The following SHTN1 variants were observed in gnomAD, a reference collection of about 807,000 sequenced individuals.
SHTN1 encodes the protein shootin 1, also known as shootin-1.
A neutral mutation model predicts 83.1 loss-of-function variants in SHTN1; 42 were observed. That is an observed-to-expected ratio of 0.51 (90% confidence interval 0.39 to 0.65). The LOEUF (loss-of-function observed/expected upper bound fraction) is 0.65. Among genes scored for constraint, SHTN1 ranks in the 30% least tolerant of loss-of-function variants. SHTN1 has a pLI of 0.00. For synonymous variants in SHTN1, 224 were observed against 247.7 expected, an observed-to-expected ratio of 0.90 and a Z score of 0.90; for missense variants, 622 against 737.8, an observed-to-expected ratio of 0.84 and a Z score of 1.82.
intron 2 of SHTN1, among the ~76,000 whole-genome samples, chr10:117,045,065 G>A (rs1293602349): frequency 6.6e-6 from 1 of 152,120 alleles, no homozygotes; most frequent in African/African-American, 2.4e-5. Flanking sequence ...CATCTTTGAT[G>A]AGTATTAGTG....
intron 2 of SHTN1, among the ~76,000 whole-genome samples, chr10:117,030,745 A>T (rs1266598862): frequency 6.6e-6 from 1 of 152,042 alleles, no homozygotes; most frequent in East Asian, 1.9e-4. Context: ...TTAGTAGCAG[A>T]ATTGATCAAG....
At chr10:117,076,865 A>G (rs1414201772) in intron 1 of SHTN1, among the ~76,000 whole-genome samples, 1 of 152,230 alleles carries the variant, frequency 6.6e-6, no homozygotes, top group Non-Finnish European at 1.5e-5. Flanking sequence ...AAGTTTCTGG[A>G]GAAAAGGGTG....
chr10:116,922,707 G>C (rs1848606199), intron 11 of SHTN1, among the ~76,000 whole-genome samples: 1 of 152,188 alleles, frequency 6.6e-6, no homozygotes, highest in African/African-American at 2.4e-5. Flanking sequence ...GCTCACACGT[G>C]TAATCCCAGC....
intron 5 of SHTN1, among the ~76,000 whole-genome samples, chr10:116,952,928 A>T (rs1468393686): frequency 2.0e-5 from 3 of 152,220 alleles, no homozygotes; most frequent in Non-Finnish European, 4.4e-5. Flanking sequence ...AGAAAGAAGA[A>T]CATGAAACCA....
In SHTN1 at chr10:116,886,113, AAAC is replaced by A. The variant is rs2133293617; in HGVS notation, c.*228_*230del. On this transcript the variant is annotated 3_prime_UTR_variant, in exon 17 of 17. Coordinates refer to ENST00000355371, the MANE Select transcript of SHTN1 (RefSeq NM_001127211.3). ...ATACTTAATACAGTAACTAGGAAAAAAACCTCATCTTTATAAAGATCAAAAAAC... is the reference window on the plus strand; with the variant it reads ...ATACTTAATACAGTAACTAGGAAAAACTCATCTTTATAAAGATCAAAAAAC... 1.8e-6 allele frequency: 1 copy of A among 567,690 alleles called. No homozygotes were observed. Among genetic ancestry groups the A allele is most frequent in the Admixed American group, 3.4e-5 (1 of 29,670 alleles). The allele number at this position is 567,690 out of a possible 1,614,324, so 35.2% of individuals were successfully genotyped here.
chr10:116,970,840 A>G (rs1354201520), intron 2 of SHTN1, among the ~76,000 whole-genome samples: 1 of 152,062 alleles, frequency 6.6e-6, no homozygotes, highest in African/African-American at 2.4e-5. Flanking sequence ...CATCTAATAT[A>G]TATAAATATG....
At chr10:117,076,901 T>A (rs1018318802) in intron 1 of SHTN1, among the ~76,000 whole-genome samples, 3 of 152,212 alleles carry the variant, frequency 2.0e-5, no homozygotes, top group Non-Finnish European at 1.5e-5. Context: ...TTGCACAGTA[T>A]CCATTATTAT....
At chr10:117,069,110 C>T (rs529183549) in intron 1 of SHTN1, among the ~76,000 whole-genome samples, 1 of 152,054 alleles carries the variant, frequency 6.6e-6, no homozygotes, top group African/African-American at 2.4e-5. Context: ...AACTCTGCTG[C>T]AAAAGTAGGA....
At chr10:116,969,248 T>C (rs1445839504) in intron 2 of SHTN1, among the ~76,000 whole-genome samples, 3 of 151,898 alleles carry the variant, frequency 2.0e-5, no homozygotes, top group African/African-American at 4.8e-5. Flanking sequence ...AGAGACCAGC[T>C]TGGCCAACAT....
rs182095655 is a variant in SHTN1 at position 116,994,164 on chromosome 10, T to G, written c.58+10858A>C. On this transcript the variant is annotated intron_variant, in intron 1 of 16. Transcript: ENST00000355371. ...AGTTTACAAGTAAAATAAGATATAT[T>G]TTTGGTGAGAAAGTTATAAGCAAGA... 2.9e-3 allele frequency among the ~76,000 whole-genome samples: 439 copies of G among 152,206 alleles called. 2 individuals are homozygous for G. The highest frequency in any genetic ancestry group is 4.7e-3 in the Non-Finnish European group (317 of 67,954).
At position 116,903,350 on chromosome 10, in the gene SHTN1, T is replaced by C. The variant is rs374550340; in HGVS notation, c.1481-1393A>G. Among the ~76,000 whole-genome samples, 22 of 151,830 alleles carry C rather than the reference T, an allele frequency of 1.4e-4. No individual in the cohort carries two copies. In the East Asian group the frequency reaches 2.3e-3, roughly 16 times the overall value. On this transcript the variant is annotated intron_variant, in intron 15 of 16. Transcript: ENST00000355371. Reference sequence around the variant, plus strand: ...GAGTTAGAGACCAACCTGGCCAACATGGTGAAACCCTGTCTCTACTAGAAA... The same window carrying C: ...GAGTTAGAGACCAACCTGGCCAACACGGTGAAACCCTGTCTCTACTAGAAA...
At chr10:116,936,476 GT>G (rs1389803697) in intron 9 of SHTN1, among the ~76,000 whole-genome samples, 1 of 152,216 alleles carries the variant, frequency 6.6e-6, no homozygotes, top group Non-Finnish European at 1.5e-5. Context: ...TAGTTATGCA[GT>G]TTTGAGTGAG....
intron 12 of SHTN1, among the ~76,000 whole-genome samples, chr10:116,918,938 T>C (rs887299806): frequency 6.6e-6 from 1 of 152,216 alleles, no homozygotes; most frequent in African/African-American, 2.4e-5. Flanking sequence ...TGTAATGATC[T>C]CTTACATTCA....
chr10:117,072,214 A>T (rs956367764), intron 1 of SHTN1, among the ~76,000 whole-genome samples: 7 of 152,188 alleles, frequency 4.6e-5, no homozygotes, highest in African/African-American at 1.7e-4. Flanking sequence ...TTGGATTACA[A>T]GTTCTTCAGT....
intron 1 of SHTN1, among the ~76,000 whole-genome samples, chr10:116,982,659 C>T (rs1269318575): frequency 6.6e-6 from 1 of 152,090 alleles, no homozygotes; most frequent in Non-Finnish European, 1.5e-5. Context: ...TTTGCCAATG[C>T]TAAAGAGATT....
chr10:116,919,276 C>T lies in SHTN1; in HGVS notation c.1195+2158G>A, dbSNP rs73396196. ...ATTAACAAGACACTATAAATAACTG[C>T]CTTGCCAGATAGAAGGAGGGTAGTG... On this transcript the variant is annotated intron_variant, in intron 12 of 16. Coordinates refer to ENST00000355371, the MANE Select transcript of SHTN1 (RefSeq NM_001127211.3). Among the ~76,000 whole-genome samples, 447 of 152,236 alleles carry T rather than the reference C, an allele frequency of 2.9e-3. 4 individuals are homozygous for T. Among genetic ancestry groups the T allele is most frequent in the African/African-American group, 0.01 (428 of 41,542 alleles).
chr10:117,076,239 T>C (rs142966045), intron 1 of SHTN1, among the ~76,000 whole-genome samples: 131 of 151,004 alleles, frequency 8.7e-4, no homozygotes, highest in African/African-American at 3.0e-3. Flanking sequence ...ATGGACTGAA[T>C]TGAACAAGAT....
intron 2 of SHTN1, among the ~76,000 whole-genome samples, chr10:117,030,249 C>G (rs1163653275): frequency 6.6e-6 from 1 of 152,114 alleles, no homozygotes; most frequent in Non-Finnish European, 1.5e-5. Flanking sequence ...CGTAATACAA[C>G]CAATAATGTG....
chr10:117,077,232 A>G (rs902986037), intron 1 of SHTN1, among the ~76,000 whole-genome samples: 1 of 152,228 alleles, frequency 6.6e-6, no homozygotes, highest in African/African-American at 2.4e-5. Flanking sequence ...AGGAGGAGGT[A>G]TGAAAGGAAG....
Sources: gnomAD v4.1 joint callset for allele counts (sites outside exome capture counted in the v4.1 genomes callset) on GRCh38, gnomAD v4.1.1 for gene constraint, MANE v1.5 for transcripts, NCBI Gene and HGNC (gene_info 2026-07-23, HGNC 2026-07-21) for gene names.